Variants in CDH4 observed in about 807,000 individuals in gnomAD.
CDH4 encodes the protein cadherin-4.
CDH4 carries 33 observed loss-of-function variants against 86.0 expected under a neutral mutation model. The observed-to-expected ratio is 0.38, with a 90% CI of 0.29 to 0.51. The LOEUF (loss-of-function observed/expected upper bound fraction) is 0.51. CDH4 is among the 20% of genes least tolerant of loss of function. The pLI, the probability that CDH4 is intolerant of heterozygous loss-of-function variation, is 0.86. For synonymous variants in CDH4, 555 were observed against 549.4 expected (o/e 1.01, Z -0.14); for missense variants, 1,114 against 1,307.4 (o/e 0.85, Z 2.28).
At chr20:61,819,256 C>T (rs948798588) in intron 4 of CDH4, among the ~76,000 whole-genome samples, 1 of 152,206 alleles carries the variant, frequency 6.6e-6, no homozygotes, top group Non-Finnish European at 1.5e-5. Flanking sequence ...CAGAAGCCAC[C>T]GCAGGGCAGC....
chr20:61,605,814 C>T (rs1316377733), intron 2 of CDH4, among the ~76,000 whole-genome samples: 1 of 150,694 alleles, frequency 6.6e-6, no homozygotes, highest in East Asian at 2.0e-4. Context: ...AAGGTCCTTG[C>T]AACATCTAGA....
chr20:61,625,361 A>G (rs1312074196), intron 2 of CDH4, among the ~76,000 whole-genome samples: 1 of 152,134 alleles, frequency 6.6e-6, no homozygotes, highest in East Asian at 1.9e-4. Context: ...TCTCCATGAC[A>G]TCAGAAATCT....
At chr20:61,443,481 G>T (rs760231002) in intron 2 of CDH4, among the ~76,000 whole-genome samples, 2 of 152,174 alleles carry the variant, frequency 1.3e-5, no homozygotes, top group Admixed American at 6.5e-5. Flanking sequence ...TAAATCCAGG[G>T]CTGGTTCTCA....
At chr20:61,652,938 A>ATTTTTATTTTTTTTT (rs2087138479) in intron 2 of CDH4, among the ~76,000 whole-genome samples, 4 of 97,434 alleles carry the variant, frequency 4.1e-5, no homozygotes, top group Non-Finnish European at 9.4e-5. Flanking sequence ...TTATTTATTT[A>ATTTTTATTTTTTTTT]TTTTTTTTTT....
intron 2 of CDH4, among the ~76,000 whole-genome samples, chr20:61,458,406 A>G (rs1568852342): frequency 7.5e-6 from 1 of 133,378 alleles, no homozygotes; most frequent in Non-Finnish European, 1.6e-5. Context: ...GATGGTGATG[A>G]CAGTGCTGAC....
intron 2 of CDH4, among the ~76,000 whole-genome samples, chr20:61,619,819 A>T (rs558665655): frequency 7.7e-4 from 118 of 152,282 alleles, no homozygotes; most frequent in African/African-American, 2.7e-3. Flanking sequence ...AGGGGCTGGC[A>T]CTCACTTGTC....
intron 2 of CDH4, among the ~76,000 whole-genome samples, chr20:61,732,872 A>C (rs13043083): frequency 0.39 from 59,839 of 151,830 alleles, 11,911 homozygotes; most frequent in Non-Finnish European, 0.42. Flanking sequence ...TGTCTCAGGT[A>C]GTCTTGTTCC....
intron 2 of CDH4, among the ~76,000 whole-genome samples, chr20:61,363,536 A>G (rs1425537478): frequency 2.0e-5 from 3 of 152,134 alleles, no homozygotes; most frequent in East Asian, 1.9e-4. Context: ...TGGACTCAAC[A>G]GAAGTGTTAA....
chr20:61,487,837 G>A (rs569368044), intron 2 of CDH4, among the ~76,000 whole-genome samples: 2 of 152,340 alleles, frequency 1.3e-5, no homozygotes, highest in South Asian at 4.1e-4. Flanking sequence ...TATTCAAAGT[G>A]TCAAAGTCTT....
At chr20:61,683,190 C>T (rs867876044) in intron 2 of CDH4, among the ~76,000 whole-genome samples, 28 of 152,050 alleles carry the variant, frequency 1.8e-4, no homozygotes, top group South Asian at 2.1e-4. Context: ...GAGAAGTGCA[C>T]GCAGCTGTAC....
At chr20:61,739,237 CG>C (rs1258178350) in intron 2 of CDH4, 2 of 152,280 alleles carry the variant, frequency 1.3e-5, no homozygotes, top group African/African-American at 2.4e-5. Flanking sequence ...GAGGGAGTTG[CG>C]GGGGGTCCCG....
chr20:61,675,938 A>G (rs2087440256), intron 2 of CDH4, among the ~76,000 whole-genome samples: 1 of 152,190 alleles, frequency 6.6e-6, no homozygotes, highest in African/African-American at 2.4e-5. Flanking sequence ...GGGTTGCTCT[A>G]CCTGGAGGCC....
intron 2 of CDH4, among the ~76,000 whole-genome samples, chr20:61,723,533 C>T (rs958203844): frequency 4.6e-5 from 7 of 152,162 alleles, no homozygotes; most frequent in Admixed American, 1.3e-4. Context: ...ACCTGAGACC[C>T]TAGGAGCTTC....
chr20:61,870,248 C>T (rs1029464667), intron 6 of CDH4, among the ~76,000 whole-genome samples: 2 of 152,212 alleles, frequency 1.3e-5, no homozygotes, highest in African/African-American at 4.8e-5. Context: ...GGGCAGCAGG[C>T]CATCCGTGAG....
chr20:61,331,646 C>CTG (rs1568801180), intron 2 of CDH4, among the ~76,000 whole-genome samples: 476 of 60,334 alleles, frequency 7.9e-3, no homozygotes, highest in Middle Eastern at 0.015. Flanking sequence ...GACCCACCTC[C>CTG]CGCCCCAGCC....
At chr20:61,570,540 C>A in intron 2 of CDH4, 1 of 635,040 alleles carries the variant, frequency 1.6e-6, no homozygotes, top group Admixed American at 2.3e-5. Flanking sequence ...CAAGGCACCT[C>A]TGCTTTACAT....
chr20:61,389,710 C>G (rs1010664630), intron 2 of CDH4, among the ~76,000 whole-genome samples: 4 of 148,088 alleles, frequency 2.7e-5, no homozygotes, highest in Non-Finnish European at 6.0e-5. Context: ...GAACAATTGG[C>G]ACCTGGTGGG....
chr20:61,599,476 C>T (rs1452650071), intron 2 of CDH4, among the ~76,000 whole-genome samples: 1 of 152,134 alleles, frequency 6.6e-6, no homozygotes, highest in Non-Finnish European at 1.5e-5. Context: ...TTCCAAAGGC[C>T]GACCCTCCTG....
chr20:61,403,953 C>T (rs2085064771), intron 2 of CDH4, among the ~76,000 whole-genome samples: 2 of 152,186 alleles, frequency 1.3e-5, no homozygotes, highest in African/African-American at 2.4e-5. Context: ...GTAAATATCT[C>T]CACATGTTAT....
Sources: allele counts gnomAD v4.1 joint callset (sites outside exome capture counted in the v4.1 genomes callset), GRCh38; gene constraint gnomAD v4.1.1; transcripts MANE v1.5; gene names NCBI Gene and HGNC (gene_info 2026-07-23, HGNC 2026-07-21).